Variants in SCN9A observed in about 807,000 individuals in gnomAD.
SCN9A encodes sodium channel protein type 9 subunit alpha.
A neutral mutation model predicts 187.0 loss-of-function variants in SCN9A; 131 were observed. The ratio of observed to expected loss-of-function variants is 0.70; its 90% CI spans 0.61 to 0.81. SCN9A has a LOEUF of 0.81. Ranked by LOEUF, SCN9A falls within the 30% of genes least tolerant of loss-of-function variation. The pLI is 0.00. For synonymous variants in SCN9A, 809 were observed against 808.6 expected (o/e 1.00, Z -0.01); for missense variants, 2,252 against 2,396.6 (o/e 0.94, Z 1.26).
At chr2:166,298,132 G>A (rs964350725) in intron 7 of SCN9A, among the ~76,000 whole-genome samples, 40 of 152,116 alleles carry the variant, frequency 2.6e-4, no homozygotes, top group African/African-American at 9.4e-4. Flanking sequence ...CAGAGGGCCT[G>A]CACATGATAC....
At chr2:166,235,225 T>C (rs1695262419) in intron 20 of SCN9A, among the ~76,000 whole-genome samples, 1 of 152,116 alleles carries the variant, frequency 6.6e-6, no homozygotes, top group South Asian at 2.1e-4. Context: ...ATAGGTCTGT[T>C]CTCCAAGCCA....
intron 17 of SCN9A, among the ~76,000 whole-genome samples, chr2:166,268,174 A>C (rs564468595): frequency 2.0e-5 from 3 of 152,020 alleles, no homozygotes; most frequent in Non-Finnish European, 4.4e-5. Flanking sequence ...TCTTTATTAC[A>C]ATCTATTTTA....
intron 20 of SCN9A, among the ~76,000 whole-genome samples, chr2:166,234,557 T>G (rs1326831254): frequency 6.6e-6 from 1 of 152,134 alleles, no homozygotes; most frequent in Non-Finnish European, 1.5e-5. Context: ...TGTTTTAAAG[T>G]GCTCATCCTC....
chr2:166,366,326 T>C (rs1039134260), intron 1 of SCN9A, among the ~76,000 whole-genome samples: 1 of 152,248 alleles, frequency 6.6e-6, no homozygotes, highest in Non-Finnish European at 1.5e-5. Flanking sequence ...TCTAGGTCCA[T>C]GCATGCTGTC....
chr2:166,373,251 G>C (rs116547537), intron 1 of SCN9A, among the ~76,000 whole-genome samples: 1 of 151,576 alleles, frequency 6.6e-6, no homozygotes, highest in African/African-American at 2.4e-5. Context: ...GGCATTTACT[G>C]TTGTTGCTAA....
intron 1 of SCN9A, among the ~76,000 whole-genome samples, chr2:166,316,706 A>G (rs575804340): frequency 2.8e-3 from 433 of 152,348 alleles, no homozygotes; most frequent in Middle Eastern, 0.01. Flanking sequence ...ATAAATAAAT[A>G]AAGTGTACAA....
intron 1 of SCN9A, among the ~76,000 whole-genome samples, chr2:166,353,990 T>G (rs1445856568): frequency 6.6e-6 from 1 of 152,232 alleles, no homozygotes; most frequent in Non-Finnish European, 1.5e-5. Context: ...AAGCACGCTA[T>G]CTAATTATAT....
chr2:166,370,229 A>ATCATCATC (rs1553507725), intron 1 of SCN9A, among the ~76,000 whole-genome samples: 3,382 of 136,618 alleles, frequency 0.025, 47 homozygotes, highest in African/African-American at 0.028. Flanking sequence ...TAATAATAAT[A>ATCATCATC]ATAATAATCA....
chr2:166,364,778 T>G (rs1220567803), intron 1 of SCN9A, among the ~76,000 whole-genome samples: 1 of 152,212 alleles, frequency 6.6e-6, no homozygotes, highest in East Asian at 1.9e-4. Flanking sequence ...AACATGAATG[T>G]GCTTAATACC....
chr2:166,195,407 T>A lies in SCN9A; in HGVS notation c.*3265A>T, dbSNP rs1440174708. On this transcript the variant is annotated 3_prime_UTR_variant, in exon 27 of 27. Coordinates refer to ENST00000642356, the MANE Select transcript of SCN9A (RefSeq NM_001365536.1). ...TTGATTGTTTTCCTCAAGAAGATAA[T>A]AACATAATAAACCACAGATATTTTT... 6.6e-6 allele frequency: 1 copy of A among 152,188 alleles called. No individual in the cohort carries two copies. Among genetic ancestry groups the A allele is most frequent in the Non-Finnish European group, 1.5e-5 (1 of 68,010 alleles). The allele number at this position is 152,188 out of a possible 1,614,324, so 9.4% of individuals were successfully genotyped here. A position where few individuals can be genotyped will look rare whatever the true frequency, so the allele number is the denominator to read the frequency against.
intron 1 of SCN9A, among the ~76,000 whole-genome samples, chr2:166,360,104 C>A (rs1205625680): frequency 4.6e-5 from 7 of 150,572 alleles, no homozygotes; most frequent in African/African-American, 1.7e-4. Context: ...GCCTGTAATC[C>A]CAGCTACTCA....
rs1375154507 is a variant in SCN9A at position 166,340,536 on chromosome 2, CTTTCCCTTTCTTTCTTTCTTTCTT to C, written c.-50-28754_-50-28731del. Among the ~76,000 whole-genome samples, 40 of 95,022 alleles carry C rather than the reference CTTTCCCTTTCTTTCTTTCTTTCTT, an allele frequency of 4.2e-4. 1 individual carries two copies. The highest frequency in any genetic ancestry group is 1.9e-3 in the African/African-American group (36 of 18,888). 62.3% of individuals were successfully genotyped at this position (95,022 alleles called of 152,430 possible). On this transcript the variant is annotated intron_variant, in intron 1 of 26. Transcript: ENST00000642356. ...CTTCCTTCCCTCTCTCCTTTCTTTT[CTTTCCCTTTCTTTCTTTCTTTCTT>C]TCTTTCTTTCTTTCTTTCTTTCTTT... is the stretch of plus-strand genomic sequence containing the variant.
At position 166,284,523 on chromosome 2, in the gene SCN9A, G is replaced by C. The variant is rs1411870484; in HGVS notation, c.1904C>G (p.Ser635Ter). 3 of 1,614,002 alleles carry C rather than the reference G, an allele frequency of 1.9e-6. No individual in the cohort carries two copies. The highest frequency in any genetic ancestry group is 3.3e-5 in the Admixed American group (2 of 59,992). Residue 635 changes from serine (S) to a stop codon, truncating the protein, a stop_gained, in exon 12 of 27, where the codon TCA becomes TGA. Transcript: ENST00000642356. LOFTEE classifies it high-confidence loss of function. Reference protein sequence around the residue: ...NGVVSLVDGRSALMLPNGQLL... With the variant: ...NGVVSLVDGR The stretch of plus-strand genomic sequence containing the variant: ...CTGTCCATTGGGGAGCATGAGGGCT[G>C]AGCGTCCATCAACCAGGGAGACCAC...
chr2:166,329,698 C>G (rs977250167), intron 1 of SCN9A, among the ~76,000 whole-genome samples: 2 of 151,998 alleles, frequency 1.3e-5, no homozygotes. Context: ...TTGGGGAAAA[C>G]CAGCAGGTAA....
chr2:166,272,248 C>A (rs1184491970), intron 17 of SCN9A, 151 bp downstream of exon 17: 5 of 524,282 alleles, frequency 9.5e-6, no homozygotes, highest in Non-Finnish European at 1.7e-5. Flanking sequence ...CCAGATGAAT[C>A]TTCAGGAAGC....
rs921725663 is a variant in SCN9A, at chr2:166,227,840, C to T, written c.4207-117G>A. 7.5e-6 allele frequency: 5 copies of T among 666,678 alleles called. No homozygotes were observed. The African/African-American group carries it at 9.3e-5, about 12-fold the overall frequency. The allele number at this position is 666,678 out of a possible 1,614,324, so 41.3% of individuals were successfully genotyped here. On this transcript the variant is annotated intron_variant, in intron 22 of 26. Transcript: ENST00000642356. ...TATTAAGTAATACTAGTAAGTTTTG[C>T]TGTATTCAACATGTCCATTTAATGT...
At chr2:166,312,621 A>G (rs1201774657) in intron 1 of SCN9A, among the ~76,000 whole-genome samples, 1 of 152,166 alleles carries the variant, frequency 6.6e-6, no homozygotes, top group African/African-American at 2.4e-5. Context: ...ATCACTATCT[A>G]TGGCAGCTAT....
At chr2:166,367,695 G>A (rs576881042) in intron 1 of SCN9A, among the ~76,000 whole-genome samples, 2 of 152,214 alleles carry the variant, frequency 1.3e-5, no homozygotes, top group South Asian at 4.1e-4. Flanking sequence ...GCGAATCATA[G>A]CAAAGTCAAG....
intron 7 of SCN9A, chr2:166,302,263 TCC>T (rs1698587987): frequency 4.9e-5 from 7 of 143,664 alleles, no homozygotes; most frequent in African/African-American, 2.1e-4. Flanking sequence ...CATATCTTCA[TCC>T]AATATTCATC....
Sources: gnomAD v4.1 joint callset for allele counts (sites outside exome capture counted in the v4.1 genomes callset) on GRCh38, gnomAD v4.1.1 for gene constraint, MANE v1.5 for transcripts, NCBI Gene and HGNC (gene_info 2026-07-23, HGNC 2026-07-21) for gene names.